Variants in KIAA1549L observed in about 807,000 individuals in gnomAD.
KIAA1549L encodes UPF0606 protein KIAA1549L.
In KIAA1549L, 88 loss-of-function variants were observed where a neutral mutation model predicts 160.7. The observed-to-expected ratio is 0.55, with a 90% CI of 0.46 to 0.65. The LOEUF (loss-of-function observed/expected upper bound fraction) is 0.65. KIAA1549L is among the 30% of genes least tolerant of loss of function. KIAA1549L has a pLI of 0.00. For synonymous variants in KIAA1549L, 950 were observed against 976.7 expected (o/e 0.97, Z 0.51); for missense variants, 2,258 against 2,437.5 (o/e 0.93, Z 1.55).
At position 33,521,256 on chromosome 11, in the gene KIAA1549L, G is replaced by A. The variant is rs189881543; in HGVS notation, c.239-20546G>A. Among the ~76,000 whole-genome samples the A allele has an allele frequency of 1.2e-3, 184 of 152,280 alleles. No homozygotes were observed. The South Asian group carries it at 0.026, about 21-fold the overall frequency. On this transcript the variant is annotated intron_variant, in intron 1 of 20. Transcript: ENST00000658780. ...CCTTGGGGTAGGGACCTCATCTTAC[G>A]TGCTGCTCTGTAGTGAGGCAGGATA...
chr11:33,422,011 A>G (rs1160134333), intron 1 of KIAA1549L, among the ~76,000 whole-genome samples: 4 of 152,114 alleles, frequency 2.6e-5, no homozygotes, highest in Non-Finnish European at 5.9e-5. Flanking sequence ...CACCCTCCTC[A>G]AGTATAATTC....
intron 16 of KIAA1549L, 69 bp from the exon 17 acceptor site, chr11:33,645,617 G>A (rs1851696318): frequency 8.8e-7 from 1 of 1,130,342 alleles, no homozygotes; most frequent in Non-Finnish European, 1.3e-6. Context: ...GAATGTTTTA[G>A]AGTAAATTAC....
chr11:33,522,162 A>G (rs1357161309), intron 1 of KIAA1549L, among the ~76,000 whole-genome samples: 1 of 152,184 alleles, frequency 6.6e-6, no homozygotes, highest in Non-Finnish European at 1.5e-5. Context: ...TGGATGTTCT[A>G]AAGGGCTTGA....
At chr11:33,555,230 C>A (rs560623193) in intron 6 of KIAA1549L, among the ~76,000 whole-genome samples, 6 of 151,620 alleles carry the variant, frequency 4.0e-5, no homozygotes, top group African/African-American at 1.2e-4. Context: ...TTGATTGTTA[C>A]TACCCAAAGG....
chr11:33,566,726 T>C (rs1486127940), intron 8 of KIAA1549L, among the ~76,000 whole-genome samples: 1 of 152,236 alleles, frequency 6.6e-6, no homozygotes, highest in South Asian at 2.1e-4. Flanking sequence ...TGATTAGCGT[T>C]GGCTGCTGGT....
At chr11:33,450,756 G>C (rs1320559039) in intron 1 of KIAA1549L, 2 of 152,200 alleles carry the variant, frequency 1.3e-5, no homozygotes, top group Non-Finnish European at 2.9e-5. Flanking sequence ...TCTCCCAGAG[G>C]GGGTTCCTAA....
At chr11:33,472,419 C>T (rs1057084023) in intron 1 of KIAA1549L, among the ~76,000 whole-genome samples, 1 of 151,988 alleles carries the variant, frequency 6.6e-6, no homozygotes, top group African/African-American at 2.4e-5. Flanking sequence ...CTGAGTCTGG[C>T]CCTCTTCCTT....
At chr11:33,594,702 A>G (rs1182918245) in intron 12 of KIAA1549L, among the ~76,000 whole-genome samples, 1 of 152,232 alleles carries the variant, frequency 6.6e-6, no homozygotes, top group Non-Finnish European at 1.5e-5. Context: ...AGACTACCCA[A>G]AGCTTGTTGA....
chr11:33,462,693 C>G (rs1338994952), intron 1 of KIAA1549L, among the ~76,000 whole-genome samples: 1 of 152,102 alleles, frequency 6.6e-6, no homozygotes, highest in Non-Finnish European at 1.5e-5. Flanking sequence ...CAGCAAATTT[C>G]TTAACTTCCC....
rs1467358283 is a variant in KIAA1549L at position 33,458,657 on chromosome 11, T to A, written c.238+81768T>A. Among the ~76,000 whole-genome samples the A allele has an allele frequency of 3.3e-5, 5 of 152,194 alleles. No homozygotes were observed. The East Asian group carries it at 9.6e-4, about 29-fold the overall frequency. On this transcript the variant is annotated intron_variant, in intron 1 of 20. Transcript: ENST00000658780. ...CTGCTGTTTGGCAGCTTGATGGTTC[T>A]CTCTGTAGGATGAATAGTATTCAGG...
chr11:33,543,521 C>T lies in KIAA1549L; in HGVS notation c.1958C>T (p.Ala653Val), dbSNP rs538783226. Residue 653 changes from alanine (A) to valine (V), a missense_variant, in exon 2 of 21, where the codon GCA becomes GTA. This residue lies in a region of KIAA1549L where 11 missense variants were observed against 29.9 expected (regional missense o/e 0.37). Coordinates refer to ENST00000658780, the MANE Select transcript of KIAA1549L (RefSeq NM_012194.3). ...GFSSTKPEAY[A>V]AAVDHSGLPA... The stretch of plus-strand genomic sequence containing the variant: ...TCCAGCACCAAGCCAGAGGCTTATG[C>T]AGCTGCTGTGGACCATTCTGGGTTG... 6.2e-7 allele frequency: 1 copy of T among 1,614,058 alleles called. No homozygotes were observed. Among genetic ancestry groups the T allele is most frequent in the South Asian group, 1.1e-5 (1 of 91,082 alleles).
At chr11:33,522,086 C>T (rs1432224073) in intron 1 of KIAA1549L, among the ~76,000 whole-genome samples, 2 of 152,062 alleles carry the variant, frequency 1.3e-5, no homozygotes, top group East Asian at 1.9e-4. Context: ...TATATATAAA[C>T]ACTAAAGGCA....
intron 1 of KIAA1549L, among the ~76,000 whole-genome samples, chr11:33,500,172 T>G (rs763801312): frequency 1.3e-5 from 2 of 152,240 alleles, no homozygotes; most frequent in African/African-American, 2.4e-5. Flanking sequence ...ACTGGCTTTT[T>G]CAGGGTGTTA....
chr11:33,543,334 A>G lies in KIAA1549L; in HGVS notation c.1771A>G (p.Ser591Gly), dbSNP rs1411592865. ...LQAFPRKEVL[S>G]LHTVNGFVSD... Reference sequence around the variant, plus strand: ...GGCCTTTCCAAGGAAAGAGGTTTTGAGTCTTCACACTGTAAATGGATTTGT... The same window carrying G: ...GGCCTTTCCAAGGAAAGAGGTTTTGGGTCTTCACACTGTAAATGGATTTGT... The change falls in exon 2 of 21, where the codon AGT becomes GGT. Residue 591 changes from serine to glycine, a missense_variant. By Grantham distance (56) the Ser-to-Gly change is moderately conservative. This residue lies in a region of KIAA1549L where 540 missense variants were observed against 465.7 expected (regional missense o/e 1.16). Coordinates refer to ENST00000658780, the MANE Select transcript of KIAA1549L (RefSeq NM_012194.3). 6.2e-7 allele frequency: 1 copy of G among 1,614,058 alleles called. No individual in the cohort carries two copies. The highest frequency in any genetic ancestry group is 8.5e-7 in the Non-Finnish European group (1 of 1,179,908).
intron 1 of KIAA1549L, among the ~76,000 whole-genome samples, chr11:33,415,577 G>A (rs1362223296): frequency 6.6e-6 from 1 of 152,170 alleles, no homozygotes; most frequent in Non-Finnish European, 1.5e-5. Flanking sequence ...AGAGGAAGCA[G>A]CATCTGTTTA....
intron 1 of KIAA1549L, among the ~76,000 whole-genome samples, chr11:33,439,661 T>G (rs1851455870): frequency 6.6e-6 from 1 of 151,318 alleles, no homozygotes. Flanking sequence ...TCCGCCTGCC[T>G]TGGCCTCCCA....
At chr11:33,427,643 C>T (rs1411905641) in intron 1 of KIAA1549L, among the ~76,000 whole-genome samples, 2 of 152,148 alleles carry the variant, frequency 1.3e-5, no homozygotes, top group African/African-American at 4.8e-5. Context: ...AATCCACTTA[C>T]CATAGAAGTC....
intron 1 of KIAA1549L, among the ~76,000 whole-genome samples, chr11:33,475,958 T>G (rs78862315): frequency 0.03 from 4,506 of 152,240 alleles, 120 homozygotes; most frequent in African/African-American, 0.071. Context: ...GTGGGCCTGG[T>G]CACATTAGTA....
intron 1 of KIAA1549L, among the ~76,000 whole-genome samples, chr11:33,435,780 A>ATGTG (rs1307533670): frequency 0.022 from 410 of 18,318 alleles, 48 homozygotes; most frequent in African/African-American, 0.15. Flanking sequence ...ATATATATAT[A>ATGTG]TATATATATA....
Sources: allele counts gnomAD v4.1 joint callset (sites outside exome capture counted in the v4.1 genomes callset), GRCh38; gene constraint gnomAD v4.1.1; regional missense constraint gnomAD v4.1.1; transcripts MANE v1.5; gene names NCBI Gene and HGNC (gene_info 2026-07-23, HGNC 2026-07-21).